Variants in SLC33A1 observed in about 807,000 individuals in gnomAD.
SLC33A1 encodes the protein acetyl-coenzyme A transporter 1.
A neutral mutation model predicts 50.0 loss-of-function variants in SLC33A1; 20 were observed. The observed-to-expected ratio is 0.40, with a 90% CI of 0.28 to 0.58. SLC33A1 has a LOEUF of 0.58. SLC33A1 is among the 20% of genes least tolerant of loss of function. The pLI is 0.44. For synonymous variants in SLC33A1, 265 were observed against 251.8 expected (o/e 1.05, Z -0.50); for missense variants, 476 against 657.0 (o/e 0.72, Z 3.01).
chr3:155,829,556 T>C (rs1474686656), intron 5 of SLC33A1, 132 bp downstream of exon 5: 2 of 689,978 alleles, frequency 2.9e-6, no homozygotes, highest in Non-Finnish European at 5.0e-6. Flanking sequence ...AGAAAATATA[T>C]ATGTAGATTT....
chr3:155,841,046 T>A (rs1167637749), intron 2 of SLC33A1, among the ~76,000 whole-genome samples: 1 of 151,618 alleles, frequency 6.6e-6, no homozygotes, highest in African/African-American at 2.4e-5. Flanking sequence ...GAACTTTCCA[T>A]TCTTTTTTTT....
chr3:155,850,992 C>G (rs187614408), intron 1 of SLC33A1, among the ~76,000 whole-genome samples: 2 of 151,072 alleles, frequency 1.3e-5, no homozygotes, highest in African/African-American at 4.8e-5. Flanking sequence ...GCCTGTAATC[C>G]CAACACTTTG....
chr3:155,842,686 T>A (rs1332496672), intron 1 of SLC33A1, 67 bp from the exon 2 acceptor site: 5 of 841,246 alleles, frequency 5.9e-6, no homozygotes, highest in Non-Finnish European at 9.1e-6. Flanking sequence ...TAAATAATTC[T>A]ATATACAATA....
At chr3:155,841,675 T>G (rs1752943146) in intron 2 of SLC33A1, among the ~76,000 whole-genome samples, 1 of 152,116 alleles carries the variant, frequency 6.6e-6, no homozygotes. Flanking sequence ...TTTCAGTACT[T>G]AAATAATTCA....
At chr3:155,841,286 A>G (rs1560018155) in intron 2 of SLC33A1, among the ~76,000 whole-genome samples, 1 of 152,024 alleles carries the variant, frequency 6.6e-6, no homozygotes, top group East Asian at 1.9e-4. Context: ...TCCTGAGCTC[A>G]AGAGATCCTC....
At chr3:155,832,845 G>A (rs989855096) in intron 4 of SLC33A1, among the ~76,000 whole-genome samples, 1 of 151,946 alleles carries the variant, frequency 6.6e-6, no homozygotes, top group Non-Finnish European at 1.5e-5. Flanking sequence ...CTGAAACCTA[G>A]GGATAAACTG....
At chr3:155,837,727 AAATAT>A (rs1314825281) in intron 2 of SLC33A1, among the ~76,000 whole-genome samples, 1 of 152,236 alleles carries the variant, frequency 6.6e-6, no homozygotes, top group Non-Finnish European at 1.5e-5. Flanking sequence ...TAAATTCCAC[AAATAT>A]AATATTAAGC....
At chr3:155,853,201 C>G in intron 1 of SLC33A1, 22 bp downstream of exon 1, 1 of 1,597,512 alleles carries the variant, frequency 6.3e-7, no homozygotes, top group Non-Finnish European at 8.6e-7. Context: ...AACCTAACAC[C>G]ATAATAGCTT....
chr3:155,834,610 T>A (rs997669863), intron 2 of SLC33A1, among the ~76,000 whole-genome samples: 11 of 152,158 alleles, frequency 7.2e-5, no homozygotes, highest in African/African-American at 2.4e-4. Context: ...AGAGTAAGAA[T>A]TAAATTAAGA....
At chr3:155,831,893 C>T (rs1023784201) in intron 4 of SLC33A1, among the ~76,000 whole-genome samples, 8 of 152,170 alleles carry the variant, frequency 5.3e-5, no homozygotes, top group African/African-American at 1.9e-4. Context: ...ACTGAGATTA[C>T]CTGGTAGTCA....
rs545294037 is a variant in SLC33A1, at chr3:155,847,805, T to C, written c.776-5186A>G. Among the ~76,000 whole-genome samples the C allele has an allele frequency of 3.3e-5, 5 of 152,184 alleles. No individual in the cohort carries two copies. The South Asian group carries it at 1.0e-3, about 32-fold the overall frequency. The stretch of plus-strand genomic sequence containing the variant: ...AAATAAAGCATCAATGTCTTACAAA[T>C]ACTGTTTTTATTGTCATTAGTTTGG... On this transcript the variant is annotated intron_variant, in intron 1 of 5. Transcript: ENST00000643144.
Position 155,834,201 on chromosome 3 carries a change from G to A in SLC33A1, c.964-160C>T, listed in dbSNP as rs6809229. ...ACCTGGTACAACAGTCAAGTTATACGAGGTACATTTTGCCTTATGGTTTTC... is the reference window on the plus strand; with the variant it reads ...ACCTGGTACAACAGTCAAGTTATACAAGGTACATTTTGCCTTATGGTTTTC... On this transcript the variant is annotated intron_variant, in intron 2 of 5. Transcript: ENST00000643144. Among the ~76,000 whole-genome samples the A allele has an allele frequency of 0.4, 60,658 of 151,964 alleles. 14,493 individuals are homozygous for A. The highest frequency in any genetic ancestry group is 0.51 in the Non-Finnish European group (34,855 of 67,942).
At chr3:155,840,150 T>C (rs6794232) in intron 2 of SLC33A1, among the ~76,000 whole-genome samples, 61,886 of 150,716 alleles carry the variant, frequency 0.41, 15,203 homozygotes, top group African/African-American at 0.69. Context: ...GTGCAGTGCG[T>C]GATCTCGGCT....
intron 1 of SLC33A1, among the ~76,000 whole-genome samples, chr3:155,850,744 G>A (rs1753365355): frequency 6.6e-6 from 1 of 151,548 alleles, no homozygotes; most frequent in Non-Finnish European, 1.5e-5. Context: ...AGCCTCCTGA[G>A]TAGCTGGGAT....
chr3:155,840,989 A>C (rs1181702156), intron 2 of SLC33A1, among the ~76,000 whole-genome samples: 1 of 151,090 alleles, frequency 6.6e-6, no homozygotes, highest in Non-Finnish European at 1.5e-5. Flanking sequence ...GTCTCAAAAA[A>C]AATATATATA....
In SLC33A1 at chr3:155,838,160, G is replaced by A. The variant is rs1454854637; in HGVS notation, c.964-4119C>T. 3.3e-5 allele frequency among the ~76,000 whole-genome samples: 5 copies of A among 151,822 alleles called. No individual in the cohort carries two copies. In the East Asian group the frequency reaches 5.8e-4, roughly 18 times the overall value. On this transcript the variant is annotated intron_variant, in intron 2 of 5. Transcript: ENST00000643144. ...CCCTACTAAAAATACAAAATTAGCC[G>A]GGCATGGTGGTGCACGCCTGTAATC... is the stretch of plus-strand genomic sequence containing the variant.
chr3:155,843,874 T>C (rs1038968114), intron 1 of SLC33A1, among the ~76,000 whole-genome samples: 6 of 152,220 alleles, frequency 3.9e-5, no homozygotes. Context: ...ACTAGAAAAC[T>C]TATTAGATAA....
At chr3:155,838,970 T>C (rs1752815179) in intron 2 of SLC33A1, among the ~76,000 whole-genome samples, 1 of 151,278 alleles carries the variant, frequency 6.6e-6, no homozygotes, top group Non-Finnish European at 1.5e-5. Flanking sequence ...CTGGCCAACA[T>C]GGTGAAACTC....
chr3:155,830,208 C>CAA (rs1182731725), intron 4 of SLC33A1, among the ~76,000 whole-genome samples: 8 of 105,386 alleles, frequency 7.6e-5, no homozygotes, highest in African/African-American at 2.2e-4. Flanking sequence ...CTGAAAAATA[C>CAA]AAAAAAAAAA....
Sources: gnomAD v4.1 joint callset for allele counts (sites outside exome capture counted in the v4.1 genomes callset) on GRCh38, gnomAD v4.1.1 for gene constraint, MANE v1.5 for transcripts, NCBI Gene and HGNC (gene_info 2026-07-23, HGNC 2026-07-21) for gene names.